The following GANC variants were observed in gnomAD, a reference collection of about 807,000 sequenced individuals.
GANC encodes glucosidase alpha, neutral C.
GANC carries 117 observed loss-of-function variants against 124.2 expected under a neutral mutation model. The ratio of observed to expected loss-of-function variants is 0.94; its 90% confidence interval spans 0.81 to 1.10. The LOEUF is 1.10. Among genes scored for constraint, GANC ranks in the 50% least tolerant of loss-of-function variants. GANC has a pLI of 0.00. For missense variants in GANC, 1,140 were observed against 1,095.0 expected (o/e 1.04, Z -0.58); for synonymous variants, 377 against 376.8 (o/e 1.00, Z -0.01).
intron 6 of GANC, among the ~76,000 whole-genome samples, chr15:42,300,261 T>C (rs2051932637): frequency 6.6e-6 from 1 of 151,614 alleles, no homozygotes; most frequent in Non-Finnish European, 1.5e-5. Flanking sequence ...AAATTTACAA[T>C]AAAAAAACAA....
intron 10 of GANC, among the ~76,000 whole-genome samples, chr15:42,320,668 C>T (rs559025453): frequency 1.4e-3 from 209 of 152,126 alleles, no homozygotes; most frequent in African/African-American, 4.9e-3. Context: ...AGGCTGGTCT[C>T]GAACTCCTGA....
At chr15:42,314,545 G>T in intron 10 of GANC, 1 of 228,690 alleles carries the variant, frequency 4.4e-6, no homozygotes. Flanking sequence ...TAAAATGAAA[G>T]AATAGACACT....
chr15:42,331,519 G>A (rs1311653255), intron 15 of GANC, among the ~76,000 whole-genome samples: 5 of 152,256 alleles, frequency 3.3e-5, no homozygotes, highest in Non-Finnish European at 7.4e-5. Context: ...CATAAGCAAC[G>A]GAGAGCTTAG....
At chr15:42,342,438 T>G (rs2052334479) in intron 18 of GANC, among the ~76,000 whole-genome samples, 2 of 151,982 alleles carry the variant, frequency 1.3e-5, no homozygotes, top group African/African-American at 4.8e-5. Context: ...AAAAATTAGC[T>G]GGGCACGTTG....
At position 42,304,916 on chromosome 15, in the gene GANC, A is replaced by T. The variant is rs191767970; in HGVS notation, c.559-1630A>T. On this transcript the variant is annotated intron_variant, in intron 6 of 23. Transcript: ENST00000318010. The stretch of plus-strand genomic sequence containing the variant: ...AAAACTGTCTAGCCATGTGCAGAAA[A>T]CTGAAACTGGACCCCTTCCTTACAC... Among the ~76,000 whole-genome samples the T allele has an allele frequency of 2.7e-4, 41 of 152,304 alleles. No homozygotes were observed. In the East Asian group the frequency reaches 7.9e-3, roughly 29 times the overall value.
chr15:42,320,518 G>A (rs1037825969), intron 10 of GANC, among the ~76,000 whole-genome samples: 3 of 151,994 alleles, frequency 2.0e-5, no homozygotes, highest in African/African-American at 7.3e-5. Context: ...GTGCAATCTC[G>A]GCTCACTGCA....
In GANC at chr15:42,280,914, C is replaced by T. The variant is rs533322649; in HGVS notation, c.201+2324C>T. The T allele has an allele frequency of 8.6e-6, 6 of 701,748 alleles. No individual in the cohort carries two copies. The African/African-American group carries it at 1.0e-4, about 12-fold the overall frequency. The allele number at this position is 701,748 out of a possible 1,614,324, so 43.5% of individuals were successfully genotyped here. ...TGAAAAAGTGAGGAACAATGCTCTT[C>T]AGGTCAGGTGCCAGGACCAGAGCCC... is the stretch of plus-strand genomic sequence containing the variant. On this transcript the variant is annotated intron_variant, in intron 3 of 23. Transcript: ENST00000318010.
chr15:42,343,253 ACCC>A, intron 19 of GANC, 99 bp downstream of exon 19: 1 of 963,996 alleles, frequency 1.0e-6, no homozygotes, highest in Non-Finnish European at 1.6e-6. Flanking sequence ...TTGTGAACAC[ACCC>A]CAGATGACTA....
chr15:42,329,413 G>A lies in GANC; in HGVS notation c.1608G>A (p.Glu536=), dbSNP rs1442400196. The change falls in exon 14 of 24, where the codon GAG becomes GAA. Residue 536 remains glutamate (E), a synonymous_variant. Transcript: ENST00000318010. ...ATGCCATTCATCATGGCAATTGGGA[G>A]CACAGAGAGCTCCACAACATCTACG... ...QKNAIHHGNW[E]HRELHNIYGF... 1.2e-6 allele frequency: 2 copies of A among 1,613,510 alleles called. No individual in the cohort carries two copies. The highest frequency in any genetic ancestry group is 1.7e-6 in the Non-Finnish European group (2 of 1,179,808).
chr15:42,303,338 A>C (rs1438098413), intron 6 of GANC, among the ~76,000 whole-genome samples: 1 of 152,224 alleles, frequency 6.6e-6, no homozygotes, highest in African/African-American at 2.4e-5. Context: ...CCTGCCTTGC[A>C]AGAGGTCCTG....
At chr15:42,329,997 A>G (rs887578756) in intron 14 of GANC, among the ~76,000 whole-genome samples, 3 of 152,260 alleles carry the variant, frequency 2.0e-5, no homozygotes, top group Non-Finnish European at 4.4e-5. Context: ...AAGACGTGGC[A>G]GACACTTGAC....
rs1403250219 is a variant in GANC, at chr15:42,301,994, G to A, written c.558+4338G>A. 5.9e-5 allele frequency among the ~76,000 whole-genome samples: 9 copies of A among 152,218 alleles called. No homozygotes were observed. In the South Asian group the frequency reaches 1.0e-3, roughly 18 times the overall value. On this transcript the variant is annotated intron_variant, in intron 6 of 23. Coordinates refer to ENST00000318010, the MANE Select transcript of GANC (RefSeq NM_198141.3). ...CAGCGGGTCTCCCAGCACAGTGCTCGAGCTCTGCTAAGGGACAGACTGCCT... is the reference window on the plus strand; with the variant it reads ...CAGCGGGTCTCCCAGCACAGTGCTCAAGCTCTGCTAAGGGACAGACTGCCT...
Position 42,329,340 on chromosome 15 carries a change from T to C in GANC, c.1535T>C (p.Met512Thr). 1.2e-6 allele frequency: 2 copies of C among 1,613,976 alleles called. No individual in the cohort carries two copies. The highest frequency in any genetic ancestry group is 8.5e-7 in the Non-Finnish European group (1 of 1,179,898). The change falls in exon 14 of 24, where the codon ATG becomes ACG. Residue 512 changes from methionine to threonine, a missense_variant. Transcript: ENST00000318010. ...GACATCCTCTTCCTTTGGAATGACA[T>C]GAATGAGCCTTCTGTCTTTAGAGGG... Reference protein sequence around the residue: ...STDILFLWNDMNEPSVFRGPE... With the variant: ...STDILFLWNDTNEPSVFRGPE...
chr15:42,309,248 C>G (rs7169279), intron 8 of GANC, among the ~76,000 whole-genome samples: 138,486 of 152,218 alleles, frequency 0.91, 64,352 homozygotes, highest in Non-Finnish European at 1. Context: ...ACACTGATTT[C>G]AGCTCTGTGC....
Position 42,327,443 on chromosome 15 carries a change from G to T in GANC, c.1500+1G>T, listed in dbSNP as rs768191275. On this transcript the variant is annotated splice_donor_variant, in intron 13 of 23. Transcript: ENST00000318010. LOFTEE classifies it high-confidence loss of function. ...TCTTTTTGCTTTCCCTGTTTATCAG[G>T]TTGGTTTTTATTCCTTTGTTCTTTT... 3.7e-6 allele frequency: 6 copies of T among 1,612,022 alleles called. No homozygotes were observed. Among genetic ancestry groups the T allele is most frequent in the East Asian group, 4.5e-5 (2 of 44,840 alleles).
chr15:42,342,133 T>C (rs2052332698), intron 18 of GANC, among the ~76,000 whole-genome samples: 3 of 152,228 alleles, frequency 2.0e-5, no homozygotes, highest in Admixed American at 2.0e-4. Context: ...GCTTGTCTTA[T>C]TGGCCACTAT....
chr15:42,335,986 A>G (rs1054481506), intron 15 of GANC, among the ~76,000 whole-genome samples: 1 of 152,158 alleles, frequency 6.6e-6, no homozygotes, highest in African/African-American at 2.4e-5. Flanking sequence ...GCAAATAGAA[A>G]AACATTCCAT....
Position 42,273,416 on chromosome 15 carries a change from G to A in GANC, c.-1066G>A. The A allele has an allele frequency of 2.5e-6, 4 of 1,613,522 alleles. No homozygotes were observed. Among genetic ancestry groups the A allele is most frequent in the Non-Finnish European group, 3.4e-6 (4 of 1,179,914 alleles). ...GCCGCCATCTTCACAGCCGTGGAGTGCCTACCGAAAGCATTTCACCCTCTT... is the reference window on the plus strand; with the variant it reads ...GCCGCCATCTTCACAGCCGTGGAGTACCTACCGAAAGCATTTCACCCTCTT... On this transcript the variant is annotated 5_prime_UTR_variant, in exon 1 of 24. Coordinates refer to ENST00000318010, the MANE Select transcript of GANC (RefSeq NM_198141.3).
intron 15 of GANC, among the ~76,000 whole-genome samples, chr15:42,336,829 AACAG>A (rs1821890456): frequency 6.6e-6 from 1 of 152,238 alleles, no homozygotes; most frequent in African/African-American, 2.4e-5. Context: ...AAAGAACATG[AACAG>A]ACACTTTTCA....
Sources: allele counts gnomAD v4.1 joint callset (sites outside exome capture counted in the v4.1 genomes callset), GRCh38; gene constraint gnomAD v4.1.1; transcripts MANE v1.5; gene names NCBI Gene and HGNC (gene_info 2026-07-23, HGNC 2026-07-21).